The following ZFAND6 variants were observed in gnomAD, a reference collection of about 807,000 sequenced individuals.
ZFAND6 encodes the protein AN1-type zinc finger protein 6.
A neutral mutation model predicts 24.5 loss-of-function variants in ZFAND6; 12 were observed. That is an observed-to-expected ratio of 0.49 (90% CI 0.31 to 0.79). The LOEUF (loss-of-function observed/expected upper bound fraction) is 0.79, where lower values mean the gene tolerates loss of function less well. ZFAND6 is among the 30% of genes least tolerant of loss of function. The pLI, the probability that ZFAND6 is intolerant of heterozygous loss-of-function variation, is 0.04. For synonymous variants in ZFAND6, 92 were observed against 81.5 expected, an observed-to-expected ratio of 1.13 and a Z score of -0.69; for missense variants, 207 against 245.9, an observed-to-expected ratio of 0.84 and a Z score of 1.06.
intron 1 of ZFAND6, among the ~76,000 whole-genome samples, chr15:80,093,098 A>T (rs957762987): frequency 9.9e-5 from 15 of 151,424 alleles, no homozygotes; most frequent in Non-Finnish European, 1.8e-4. Context: ...GGGATTACAG[A>T]TGTGCGCTAC....
At chr15:80,081,532 A>C (rs1303631782) in intron 1 of ZFAND6, among the ~76,000 whole-genome samples, 1 of 152,200 alleles carries the variant, frequency 6.6e-6, no homozygotes, top group African/African-American at 2.4e-5. Flanking sequence ...TTTATGGTCA[A>C]GAAAAGGGAA....
intron 2 of ZFAND6, among the ~76,000 whole-genome samples, chr15:80,110,192 C>A (rs1410441668): frequency 1.3e-5 from 2 of 152,154 alleles, no homozygotes; most frequent in Admixed American, 1.3e-4. Context: ...GTTGATCTCC[C>A]AGACCAACAC....
intron 1 of ZFAND6, among the ~76,000 whole-genome samples, chr15:80,085,049 T>G (rs186113803): frequency 3.5e-4 from 54 of 152,340 alleles, no homozygotes; most frequent in Admixed American, 3.1e-3. Context: ...GAAGCTTTCA[T>G]CTTTCAAAGG....
chr15:80,061,410 T>C (rs2141764606), intron 1 of ZFAND6, among the ~76,000 whole-genome samples: 1 of 152,252 alleles, frequency 6.6e-6, no homozygotes, highest in Middle Eastern at 3.4e-3. Flanking sequence ...CACGGTAAAG[T>C]ATAAGCAGAT....
rs142082398 is a variant in ZFAND6 at position 80,075,906 on chromosome 15, C to A, written c.-181+16097C>A. On this transcript the variant is annotated intron_variant, in intron 1 of 6. Coordinates refer to ENST00000261749, the MANE Select transcript of ZFAND6 (RefSeq NM_019006.4). ...TTTTTTCCCCTTCGCAATATAAATA[C>A]CCTGTGTCATCTGCTACCAATAGAT... 1.8e-3 allele frequency among the ~76,000 whole-genome samples: 279 copies of A among 152,186 alleles called. 1 individual carries two copies. Among genetic ancestry groups the A allele is most frequent in the African/African-American group, 6.5e-3 (271 of 41,550 alleles).
intron 1 of ZFAND6, among the ~76,000 whole-genome samples, chr15:80,066,448 G>A (rs553143155): frequency 1.3e-5 from 2 of 152,078 alleles, no homozygotes; most frequent in East Asian, 3.9e-4. Context: ...GAGTAGCTGA[G>A]ATTACAGGCA....
chr15:80,078,226 A>G (rs1448388219), intron 1 of ZFAND6, among the ~76,000 whole-genome samples: 2 of 151,962 alleles, frequency 1.3e-5, no homozygotes, highest in East Asian at 1.9e-4. Flanking sequence ...CCTTTCCTCT[A>G]ATTGTCTCCA....
At chr15:80,131,131 CA>C in intron 5 of ZFAND6, 48 bp from the exon 6 acceptor site, 1 of 1,452,134 alleles carries the variant, frequency 6.9e-7, no homozygotes, top group Non-Finnish European at 9.3e-7. Flanking sequence ...TGAGGAATAG[CA>C]AAATCTTACA....
intron 1 of ZFAND6, among the ~76,000 whole-genome samples, chr15:80,082,927 A>G (rs978690227): frequency 3.9e-5 from 6 of 152,146 alleles, no homozygotes; most frequent in African/African-American, 1.4e-4. Context: ...TGGATATGGG[A>G]TAGAAAAAAT....
chr15:80,094,684 C>T (rs2038607828), intron 1 of ZFAND6, among the ~76,000 whole-genome samples: 2 of 152,134 alleles, frequency 1.3e-5, no homozygotes, highest in Non-Finnish European at 1.5e-5. Context: ...ACAACAAGGA[C>T]CTTCTCTTGT....
intron 2 of ZFAND6, among the ~76,000 whole-genome samples, chr15:80,110,813 C>T (rs186862129): frequency 6.6e-6 from 1 of 152,182 alleles, no homozygotes; most frequent in East Asian, 1.9e-4. Context: ...AACTCTTAAC[C>T]TCATTCCATA....
chr15:80,059,086 GCTT>G (rs1030738290), upstream of ZFAND6, among the ~76,000 whole-genome samples: 1 of 152,246 alleles, frequency 6.6e-6, no homozygotes, highest in Non-Finnish European at 1.5e-5. Context: ...TTCTCGTCTT[GCTT>G]CTATTTCCAA....
intron 1 of ZFAND6, among the ~76,000 whole-genome samples, chr15:80,080,317 A>G (rs2037585027): frequency 6.6e-6 from 1 of 152,104 alleles, no homozygotes; most frequent in African/African-American, 2.4e-5. Flanking sequence ...GTTTTCTTAA[A>G]TTTTGTAGAT....
chr15:80,131,199 A>G lies in ZFAND6; in HGVS notation c.384A>G (p.Ala128=). 2.5e-6 allele frequency: 4 copies of G among 1,608,296 alleles called. No individual in the cohort carries two copies. The highest frequency in any genetic ancestry group is 2.2e-5 in the East Asian group (1 of 44,856). ...EDVQASVSDT[A]QQPSEEQSKS... is the part of the protein sequence containing the mutation. ...TGTTAGCTTCAGTATCAGACACAGC[A>G]CAGCAGCCATCTGAAGAGCAAAGCA... Residue 128 remains alanine, a synonymous_variant, in exon 6 of 7, where the codon GCA becomes GCG. Coordinates refer to ENST00000261749, the MANE Select transcript of ZFAND6 (RefSeq NM_019006.4).
intron 2 of ZFAND6, among the ~76,000 whole-genome samples, chr15:80,100,142 A>T (rs2038957940): frequency 1.3e-5 from 2 of 152,228 alleles, no homozygotes; most frequent in African/African-American, 4.8e-5. Flanking sequence ...AATCTTGTTT[A>T]ATGATTACAA....
intron 2 of ZFAND6, chr15:80,111,588 A>G (rs1425234557): frequency 2.2e-6 from 1 of 453,912 alleles, no homozygotes; most frequent in African/African-American, 2.0e-5. Flanking sequence ...GTATAACTAT[A>G]TAGCAATATA....
At chr15:80,101,158 G>A (rs1414503301) in intron 2 of ZFAND6, among the ~76,000 whole-genome samples, 2 of 152,168 alleles carry the variant, frequency 1.3e-5, no homozygotes, top group Admixed American at 6.5e-5. Flanking sequence ...CTCAAGAAGA[G>A]TAGAATAGAA....
Position 80,104,536 on chromosome 15 carries a change from AATCC to A in ZFAND6, c.-18+5983_-18+5986del, listed in dbSNP as rs200615757. On this transcript the variant is annotated intron_variant, in intron 2 of 6. Coordinates refer to ENST00000261749, the MANE Select transcript of ZFAND6 (RefSeq NM_019006.4). ...CCTGTCTCAAATCAGTCAGTCAGTC[AATCC>A]ATCCATCCATCCATCCATCCATCCC... Among the ~76,000 whole-genome samples the A allele has an allele frequency of 0.021, 3,070 of 146,728 alleles. 224 individuals carry two copies. In the East Asian group the frequency reaches 0.22, roughly 11 times the overall value.
At chr15:80,125,668 C>A (rs1299064662) in intron 5 of ZFAND6, among the ~76,000 whole-genome samples, 1 of 152,222 alleles carries the variant, frequency 6.6e-6, no homozygotes, top group Non-Finnish European at 1.5e-5. Context: ...TTCCAGTTCA[C>A]AAATGCTAGC....
Sources: gnomAD v4.1 joint callset for allele counts (sites outside exome capture counted in the v4.1 genomes callset) on GRCh38, gnomAD v4.1.1 for gene constraint, MANE v1.5 for transcripts, NCBI Gene and HGNC (gene_info 2026-07-23, HGNC 2026-07-21) for gene names.